Variants in SNX14 observed in about 807,000 individuals in gnomAD.
The protein encoded by SNX14 is sorting nexin 14, also known as sorting nexin-14.
In SNX14, 93 loss-of-function variants were observed where a neutral mutation model predicts 133.8. That is an observed-to-expected ratio of 0.70 (90% confidence interval 0.59 to 0.83). The LOEUF (loss-of-function observed/expected upper bound fraction) is 0.83. SNX14 is among the 40% of genes least tolerant of loss of function. The probability of loss-of-function intolerance (pLI) is 0.00; values close to 1 mark genes in which losing one functional copy is unlikely to be tolerated. For synonymous variants in SNX14, 368 were observed against 365.6 expected (o/e 1.01, Z -0.07); for missense variants, 945 against 1,094.9 (o/e 0.86, Z 1.93).
At chr6:85,515,262 C>CAAAAA (rs751549621) in intron 23 of SNX14, among the ~76,000 whole-genome samples, 19 of 22,696 alleles carry the variant, frequency 8.4e-4, no homozygotes, top group East Asian at 1.5e-3. Context: ...GCAAGACCGT[C>CAAAAA]AAAAAAAAAA....
At chr6:85,593,459 G>A in intron 1 of SNX14, 120 bp downstream of exon 1, 1 of 1,404,466 alleles carries the variant, frequency 7.1e-7, no homozygotes. Flanking sequence ...TGCGGAGCTC[G>A]CTCTCCCCAC....
At chr6:85,556,654 T>C (rs757021260) in intron 7 of SNX14, among the ~76,000 whole-genome samples, 9 of 152,124 alleles carry the variant, frequency 5.9e-5, no homozygotes, top group Non-Finnish European at 1.2e-4. Flanking sequence ...GGTTTCACCA[T>C]GTTGGCCAGG....
intron 21 of SNX14, among the ~76,000 whole-genome samples, chr6:85,521,006 A>T (rs191192212): frequency 7.3e-4 from 111 of 152,278 alleles, no homozygotes; most frequent in African/African-American, 2.6e-3. Context: ...ATACCAAACA[A>T]TTTTTCCAAG....
chr6:85,535,952 G>T (rs1781840141), intron 17 of SNX14, among the ~76,000 whole-genome samples: 1 of 152,026 alleles, frequency 6.6e-6, no homozygotes, highest in African/African-American at 2.4e-5. Context: ...TCATTAAAAG[G>T]CAAAATGAGA....
At chr6:85,516,018 T>C (rs1213375625) in intron 23 of SNX14, among the ~76,000 whole-genome samples, 1 of 152,164 alleles carries the variant, frequency 6.6e-6, no homozygotes, top group Non-Finnish European at 1.5e-5. Context: ...AACCACCTAA[T>C]AGTGTTACTA....
rs781175632 is a variant in SNX14 at position 85,549,822 on chromosome 6, T to C, written c.692A>G (p.His231Arg). 2 of 1,614,022 alleles carry C rather than the reference T, an allele frequency of 1.2e-6. No homozygotes were observed. Among genetic ancestry groups the C allele is most frequent in the Non-Finnish European group, 1.7e-6 (2 of 1,179,916 alleles). Residue 231 changes from histidine (H) to arginine (R), a missense_variant, in exon 8 of 29, where the codon CAT (histidine) becomes CGT (arginine). Physicochemically the swap from His to Arg is conservative, Grantham distance 29. Around this residue, in one of 3 missense-constraint regions of SNX14, gnomAD observed 514 missense variants for 538.8 expected, o/e 0.95. Transcript: ENST00000314673. ...ATCTCTTCGACTTCTCAAAGCAACATGAAGCTCTGGACCATATTCTTCTAA... is the reference window on the plus strand; with the variant it reads ...ATCTCTTCGACTTCTCAAAGCAACACGAAGCTCTGGACCATATTCTTCTAA... ...AALEEYGPELHVALRSRRDEL... is the reference protein window; with the variant it reads ...AALEEYGPELRVALRSRRDEL...
chr6:85,570,728 T>C (rs1052487981), intron 4 of SNX14, among the ~76,000 whole-genome samples: 1 of 151,752 alleles, frequency 6.6e-6, no homozygotes, highest in African/African-American at 2.4e-5. Flanking sequence ...TGGTGTGCGC[T>C]TGTAGTCCCA....
At chr6:85,579,099 C>T (rs995002858) in intron 1 of SNX14, among the ~76,000 whole-genome samples, 3 of 151,964 alleles carry the variant, frequency 2.0e-5, no homozygotes, top group Non-Finnish European at 4.4e-5. Context: ...GATCACGCCA[C>T]TATACTCCAG....
intron 21 of SNX14, among the ~76,000 whole-genome samples, chr6:85,522,436 G>A (rs1286564237): frequency 2.6e-5 from 4 of 152,266 alleles, no homozygotes; most frequent in Non-Finnish European, 5.9e-5. Context: ...GATTTGGATT[G>A]GGACTGTATT....
At chr6:85,592,911 G>A (rs1283940584) in intron 1 of SNX14, among the ~76,000 whole-genome samples, 2 of 152,194 alleles carry the variant, frequency 1.3e-5, no homozygotes, top group East Asian at 3.8e-4. Flanking sequence ...CTACTCGGGA[G>A]GCTGAGGCAG....
chr6:85,565,323 A>AT lies in SNX14; in HGVS notation c.549+8_549+9insA. 1 of 1,538,752 alleles carries AT rather than the reference A, an allele frequency of 6.5e-7. No individual in the cohort carries two copies. The highest frequency in any genetic ancestry group is 8.8e-7 in the Non-Finnish European group (1 of 1,137,106). ...CCAAATTCCCAAATTTCTCATTAAA[A>AT]ATATATACCTTGTGAATCCTTCTTA... On this transcript the variant is annotated intron_variant, in intron 6 of 28. Coordinates refer to ENST00000314673, the MANE Select transcript of SNX14 (RefSeq NM_153816.6).
In SNX14 at chr6:85,547,114, ACAGT is replaced by A. The variant is rs1785866951; in HGVS notation, c.1102_1105del (p.Thr368TrpfsTer48). The A allele has an allele frequency of 6.2e-7, 1 of 1,611,838 alleles. No individual in the cohort carries two copies. Among genetic ancestry groups the A allele is most frequent in the Non-Finnish European group, 8.5e-7 (1 of 1,178,766 alleles). On this transcript the variant is annotated frameshift_variant, in exon 12 of 29. Transcript: ENST00000314673. LOFTEE classifies it high-confidence loss of function. Reference sequence around the variant, plus strand: ...TAAAATACACAGGTAAGCCTCACCCACAGTCAAACAAAACTGCAACACGTGCACT... The same window carrying A: ...TAAAATACACAGGTAAGCCTCACCCACAAACAAAACTGCAACACGTGCACT...
rs117809593 is a variant in SNX14, at chr6:85,583,040, C to T, written c.141-8662G>A. The stretch of plus-strand genomic sequence containing the variant: ...AATCCTCAAAAAAATACTGGCAAAC[C>T]GAATCCAGCACATCCACCATGATCA... On this transcript the variant is annotated intron_variant, in intron 1 of 28. Coordinates refer to ENST00000314673, the MANE Select transcript of SNX14 (RefSeq NM_153816.6). 5.2e-3 allele frequency among the ~76,000 whole-genome samples: 788 copies of T among 151,920 alleles called. 6 individuals are homozygous for T. Among genetic ancestry groups the T allele is most frequent in the Middle Eastern group, 0.037 (11 of 294 alleles).
chr6:85,546,190 T>C (rs1785422716), intron 12 of SNX14, among the ~76,000 whole-genome samples: 1 of 152,002 alleles, frequency 6.6e-6, no homozygotes, highest in Non-Finnish European at 1.5e-5. Context: ...GGAAGGATCC[T>C]AAGGGAATTT....
At chr6:85,556,975 A>G (rs904313663) in intron 7 of SNX14, among the ~76,000 whole-genome samples, 6 of 151,978 alleles carry the variant, frequency 3.9e-5, no homozygotes, top group Non-Finnish European at 8.8e-5. Context: ...ATGTGGGGGG[A>G]AAAAATGGTT....
Position 85,536,822 on chromosome 6 carries a change from A to G in SNX14, c.1578T>C (p.Asn526=). Residue 526 remains asparagine (N), a synonymous_variant, in exon 17 of 29, where the codon AAT becomes AAC. Transcript: ENST00000314673. ...CATCTTCACCTTCAGCTACACCATA[A>G]TTAGGCAACATAGCTCCCTCCATTG... ...STTMEGAMLP[N]YGVAEGEDDF... 6.2e-7 allele frequency: 1 copy of G among 1,613,050 alleles called. No homozygotes were observed. The highest frequency in any genetic ancestry group is 1.3e-5 in the African/African-American group (1 of 75,002).
intron 19 of SNX14, among the ~76,000 whole-genome samples, chr6:85,529,686 C>T (rs374287167): frequency 6.6e-6 from 1 of 152,160 alleles, no homozygotes; most frequent in Non-Finnish European, 1.5e-5. Context: ...AGGCTTTGCT[C>T]TTACAGCAGG....
At chr6:85,526,695 G>A (rs1037901082) in intron 20 of SNX14, among the ~76,000 whole-genome samples, 1 of 152,160 alleles carries the variant, frequency 6.6e-6, no homozygotes, top group Non-Finnish European at 1.5e-5. Context: ...GGCATAAAGG[G>A]TTTTGCAGAA....
At chr6:85,571,511 C>T (rs1337305981) in intron 4 of SNX14, among the ~76,000 whole-genome samples, 1 of 152,152 alleles carries the variant, frequency 6.6e-6, no homozygotes, top group African/African-American at 2.4e-5. Context: ...ATTCAATACA[C>T]TTTGATCAGC....
Sources: allele counts gnomAD v4.1 joint callset (sites outside exome capture counted in the v4.1 genomes callset), GRCh38; gene constraint gnomAD v4.1.1; regional missense constraint gnomAD v4.1.1; transcripts MANE v1.5; gene names NCBI Gene and HGNC (gene_info 2026-07-23, HGNC 2026-07-21).